Variants in CHST3 observed in about 807,000 individuals in gnomAD.
CHST3 encodes C6ST-1.
CHST3 carries 20 observed loss-of-function variants against 35.4 expected under a neutral mutation model. That is an observed-to-expected ratio of 0.57 (90% CI 0.40 to 0.82). CHST3 has a LOEUF of 0.82. CHST3 is among the 40% of genes least tolerant of loss of function. The pLI, the probability that CHST3 is intolerant of heterozygous loss-of-function variation, is 0.00. For missense variants in CHST3, 693 were observed against 670.1 expected (o/e 1.03, Z -0.38); for synonymous variants, 334 against 295.9 (o/e 1.13, Z -1.32).
chr10:72,005,972 A>G lies in CHST3; in HGVS notation c.130A>G (p.Ile44Val). ...VFVFIEKENK[I>V]ISRVSDKLKQ... ...TGTCTTCATCGAAAAGGAAAATAAA[A>G]TCATATCAAGGTGAGGGTTGCAAGC... is the stretch of plus-strand genomic sequence containing the variant. The change falls in exon 2 of 3, where the codon ATC becomes GTC. Residue 44 changes from isoleucine to valine, a missense_variant. Transcript: ENST00000373115. 4.3e-6 allele frequency: 7 copies of G among 1,613,962 alleles called. No homozygotes were observed. Among genetic ancestry groups the G allele is most frequent in the Non-Finnish European group, 5.9e-6 (7 of 1,179,906 alleles).
intron 1 of CHST3, among the ~76,000 whole-genome samples, chr10:71,970,892 A>G (rs1839688226): frequency 6.6e-6 from 1 of 152,190 alleles, no homozygotes; most frequent in Non-Finnish European, 1.5e-5. Flanking sequence ...TTTACTTTGT[A>G]GGCTACCTGG....
At chr10:72,003,073 G>T (rs780152327) in intron 1 of CHST3, among the ~76,000 whole-genome samples, 2 of 152,198 alleles carry the variant, frequency 1.3e-5, no homozygotes, top group African/African-American at 4.8e-5. Context: ...TACCTAACCT[G>T]TCTCAACCTC....
chr10:71,975,741 G>T (rs767513271), intron 1 of CHST3, among the ~76,000 whole-genome samples: 5 of 152,248 alleles, frequency 3.3e-5, no homozygotes, highest in Non-Finnish European at 7.3e-5. Context: ...GTCTGTGGGC[G>T]CAGATGCCAG....
At chr10:71,995,220 T>G (rs1749064625) in intron 1 of CHST3, among the ~76,000 whole-genome samples, 1 of 151,652 alleles carries the variant, frequency 6.6e-6, no homozygotes, top group East Asian at 1.9e-4. Context: ...AGGTCAGGAG[T>G]TCGAGACCAG....
chr10:72,002,097 C>T (rs1839998130), intron 1 of CHST3, among the ~76,000 whole-genome samples: 1 of 152,170 alleles, frequency 6.6e-6, no homozygotes. Context: ...ACCTCTCTCA[C>T]CTGCCTGCCC....
At position 72,005,948 on chromosome 10, in the gene CHST3, G is replaced by T; in HGVS notation, c.106G>T (p.Val36Phe). 1 of 1,613,600 alleles carries T rather than the reference G, an allele frequency of 6.2e-7. No individual in the cohort carries two copies. The highest frequency in any genetic ancestry group is 1.7e-4 in the Middle Eastern group (1 of 6,060). Residue 36 changes from valine (V) to phenylalanine (F), a missense_variant, in exon 2 of 3, where the codon GTC becomes TTC. By Grantham distance (50) the Val-to-Phe change is conservative. Coordinates refer to ENST00000373115, the MANE Select transcript of CHST3 (RefSeq NM_004273.5). ...CTTGGTTTTTGTGGTGATAGTTTTT[G>T]TCTTCATCGAAAAGGAAAATAAAAT... Reference protein sequence around the residue: ...LFLVFVVIVFVFIEKENKIIS... With the variant: ...LFLVFVVIVFFFIEKENKIIS...
At position 72,008,109 on chromosome 10, in the gene CHST3, G is replaced by T. The variant is rs1249498594; in HGVS notation, c.1078G>T (p.Ala360Ser). The T allele has an allele frequency of 6.5e-7, 1 of 1,544,956 alleles. No homozygotes were observed. Among genetic ancestry groups the T allele is most frequent in the East Asian group, 2.5e-5 (1 of 40,810 alleles). ...CGCGGAGCTGGGGCTGCGGCAGCCCGCCTGGCTGCGGGGCCGCTACATGCT... is the reference window on the plus strand; with the variant it reads ...CGCGGAGCTGGGGCTGCGGCAGCCCTCCTGGCTGCGGGGCCGCTACATGCT... ...LSAELGLRQP[A>S]WLRGRYMLVR... Residue 360 changes from alanine to serine, a missense_variant, in exon 3 of 3, where the codon GCC (alanine) becomes TCC (serine). Ala to Ser is a moderately conservative substitution (Grantham distance 99, BLOSUM62 1). Transcript: ENST00000373115.
chr10:71,984,681 C>G lies in CHST3; in HGVS notation c.-108+19987C>G, dbSNP rs184662040. ...AACTCAGGGTAAGTTTTCTCATCCC[C>G]TTGCCTTTGATGGGGATGGTGACTA... On this transcript the variant is annotated intron_variant, in intron 1 of 2. Transcript: ENST00000373115. 5.3e-5 allele frequency among the ~76,000 whole-genome samples: 8 copies of G among 152,340 alleles called. No individual in the cohort carries two copies. The East Asian group carries it at 9.6e-4, about 18-fold the overall frequency.
intron 1 of CHST3, among the ~76,000 whole-genome samples, chr10:71,976,720 T>A (rs557785654): frequency 6.6e-6 from 1 of 152,378 alleles, no homozygotes; most frequent in African/African-American, 2.4e-5. Context: ...CAAATTTTCC[T>A]TTCTGTGATA....
chr10:71,992,914 G>A (rs1360013544), intron 1 of CHST3, among the ~76,000 whole-genome samples: 9 of 152,132 alleles, frequency 5.9e-5, no homozygotes, highest in Middle Eastern at 3.4e-3. Context: ...CACCTGCCCC[G>A]GCCCCCCAAA....
chr10:72,008,726 C>A lies in CHST3; in HGVS notation c.*255C>A. On this transcript the variant is annotated 3_prime_UTR_variant, in exon 3 of 3. Transcript: ENST00000373115. The stretch of plus-strand genomic sequence containing the variant: ...CCTCCTGAGCAGGCCTAGGCAGGCC[C>A]GGGCCTGTTGGCAAGCTTCGATCTC... 1 of 557,450 alleles carries A rather than the reference C, an allele frequency of 1.8e-6. No homozygotes were observed. The highest frequency in any genetic ancestry group is 2.8e-6 in the Non-Finnish European group (1 of 353,724). The allele number at this position is 557,450 out of a possible 1,614,324, so 34.5% of individuals were successfully genotyped here.
intron 1 of CHST3, among the ~76,000 whole-genome samples, chr10:71,982,067 C>T (rs1839806266): frequency 6.6e-6 from 1 of 152,206 alleles, no homozygotes. Context: ...CCACAGATGT[C>T]CACGTATGAG....
At chr10:71,997,616 C>A (rs1839952954) in intron 1 of CHST3, among the ~76,000 whole-genome samples, 1 of 151,542 alleles carries the variant, frequency 6.6e-6, no homozygotes, top group Non-Finnish European at 1.5e-5. Flanking sequence ...GTATGGTTAC[C>A]AAAAATTCAA....
intron 1 of CHST3, among the ~76,000 whole-genome samples, chr10:71,972,578 C>T (rs1251064851): frequency 6.6e-6 from 1 of 152,186 alleles, no homozygotes; most frequent in Non-Finnish European, 1.5e-5. Context: ...AGTGTGGTCT[C>T]AGTTAGCAAG....
At chr10:71,995,408 C>T (rs1035906887) in intron 1 of CHST3, among the ~76,000 whole-genome samples, 1 of 132,400 alleles carries the variant, frequency 7.6e-6, no homozygotes, top group Non-Finnish European at 1.6e-5. Context: ...CTGGGCAGAG[C>T]GAGAGTCTGT....
At chr10:71,965,973 A>G (rs981592517) in intron 1 of CHST3, among the ~76,000 whole-genome samples, 3 of 152,132 alleles carry the variant, frequency 2.0e-5, no homozygotes, top group Admixed American at 2.0e-4. Context: ...GTATCTGGCT[A>G]AGATGGGGTT....
intron 2 of CHST3, 95 bp from the exon 3 acceptor site, chr10:72,007,077 C>A: frequency 7.1e-7 from 1 of 1,402,682 alleles, no homozygotes; most frequent in Non-Finnish European, 9.8e-7. Flanking sequence ...CCAACTGAGA[C>A]AGGTTTTGGT....
At chr10:72,006,755 C>T (rs192857814) in intron 2 of CHST3, among the ~76,000 whole-genome samples, 7 of 152,312 alleles carry the variant, frequency 4.6e-5, no homozygotes, top group Admixed American at 1.3e-4. Flanking sequence ...TCAATCCCCC[C>T]CCTTGGGTCA....
At chr10:72,005,317 G>GTGTA (rs1840028245) in intron 1 of CHST3, among the ~76,000 whole-genome samples, 1 of 151,776 alleles carries the variant, frequency 6.6e-6, no homozygotes, top group Non-Finnish European at 1.5e-5. Flanking sequence ...GTGTGTGTGT[G>GTGTA]TGTGTTCTCA....
Sources: gnomAD v4.1 joint callset for allele counts (sites outside exome capture counted in the v4.1 genomes callset) on GRCh38, gnomAD v4.1.1 for gene constraint, MANE v1.5 for transcripts, NCBI Gene and HGNC (gene_info 2026-07-23, HGNC 2026-07-21) for gene names.